Variants in PREX1 observed in about 807,000 individuals in gnomAD.
The protein encoded by PREX1 is phosphatidylinositol 3,4,5-trisphosphate-dependent Rac exchanger 1 protein.
A neutral mutation model predicts 198.3 loss-of-function variants in PREX1; 41 were observed. The ratio of observed to expected loss-of-function variants is 0.21; its 90% confidence interval spans 0.16 to 0.27. The LOEUF is 0.27. Among genes scored for constraint, PREX1 ranks in the 10% least tolerant of loss-of-function variants. The pLI is 1.00. For missense variants in PREX1, 1,620 were observed against 2,200.7 expected (o/e 0.74, Z 5.28); for synonymous variants, 843 against 887.2 (o/e 0.95, Z 0.89).
chr20:48,874,988 G>C, the PREX1 span, among the ~76,000 whole-genome samples: 1 of 152,200 alleles, frequency 6.6e-6, no homozygotes, highest in African/African-American at 2.4e-5. Flanking sequence ...CCTTGACAGA[G>C]AGCTCAGCCA....
chr20:48,782,205 G>T (rs942032780), intron 1 of PREX1, among the ~76,000 whole-genome samples: 1 of 152,182 alleles, frequency 6.6e-6, no homozygotes, highest in Non-Finnish European at 1.5e-5. Flanking sequence ...ATCTCATCTC[G>T]AATTGTAGCT....
At chr20:48,671,360 TAAG>T (rs1422290579) in intron 14 of PREX1, among the ~76,000 whole-genome samples, 1 of 152,168 alleles carries the variant, frequency 6.6e-6, no homozygotes. Flanking sequence ...AGGCAACTCA[TAAG>T]AAGATACCAG....
intron 1 of PREX1, among the ~76,000 whole-genome samples, chr20:48,768,083 AT>A (rs926684435): frequency 1.3e-5 from 2 of 152,202 alleles, no homozygotes; most frequent in African/African-American, 4.8e-5. Flanking sequence ...TGCTGAATAA[AT>A]ACTGGTTAAG....
chr20:48,799,736 C>T (rs1224608994), intron 1 of PREX1, among the ~76,000 whole-genome samples: 2 of 152,140 alleles, frequency 1.3e-5, no homozygotes, highest in African/African-American at 2.4e-5. Context: ...CCTCTGTCCC[C>T]CCACAACAGG....
chr20:48,670,413 C>T (rs2089667840), intron 14 of PREX1, among the ~76,000 whole-genome samples: 1 of 152,204 alleles, frequency 6.6e-6, no homozygotes, highest in African/African-American at 2.4e-5. Context: ...AGCATGGGAG[C>T]ATGCAGATCT....
At position 48,747,843 on chromosome 20, in the gene PREX1, G is replaced by A. The variant is rs761709837; in HGVS notation, c.257C>T (p.Ser86Leu). 6.8e-6 allele frequency: 11 copies of A among 1,613,678 alleles called. No homozygotes were observed. The South Asian group carries it at 9.9e-5, about 15-fold the overall frequency. The change falls in exon 2 of 40, where the codon TCA becomes TTA. Residue 86 changes from serine (S) to leucine (L), a missense_variant. Around this residue, in one of 7 missense-constraint regions of PREX1, gnomAD observed 488 missense variants for 802.5 expected, o/e 0.61. Transcript: ENST00000371941. ...LHRIRQNVAD[S>L]VEKGLTEENV... ...CTCCTCCGTGAGGCCCTTCTCCACT[G>A]AGTCGGCCACGTTCTGCCGGATGCG...
chr20:48,744,191 C>A (rs566679899), intron 3 of PREX1, among the ~76,000 whole-genome samples: 71 of 152,276 alleles, frequency 4.7e-4, no homozygotes, highest in African/African-American at 1.6e-3. Context: ...CAGTAGCACT[C>A]TAGAGCTAGG....
At chr20:48,862,807 A>ATATATATATATATATATATATATG in the PREX1 span, among the ~76,000 whole-genome samples, 3 of 126,686 alleles carry the variant, frequency 2.4e-5, no homozygotes, top group African/African-American at 9.6e-5. Flanking sequence ...ATATATATAT[A>ATATATATATATATATATATATATG]TATATACTAA....
chr20:48,754,935 G>T (rs2090150500), intron 1 of PREX1, among the ~76,000 whole-genome samples: 1 of 152,128 alleles, frequency 6.6e-6, no homozygotes, highest in African/African-American at 2.4e-5. Context: ...CTCCCCAATT[G>T]CCCAATGACC....
chr20:48,754,978 T>A (rs750438389), intron 1 of PREX1, among the ~76,000 whole-genome samples: 4 of 152,124 alleles, frequency 2.6e-5, no homozygotes, highest in Non-Finnish European at 4.4e-5. Context: ...GCTCCATCCA[T>A]CCAAGTTCTG....
At chr20:48,671,810 C>A (rs1401615889) in intron 14 of PREX1, among the ~76,000 whole-genome samples, 1 of 152,224 alleles carries the variant, frequency 6.6e-6, no homozygotes, top group Non-Finnish European at 1.5e-5. Context: ...GCCTTTCCAA[C>A]CATCTCCTGG....
chr20:48,642,080 G>A, intron 29 of PREX1, 88 bp downstream of exon 29: 1 of 1,358,056 alleles, frequency 7.4e-7, no homozygotes, highest in Admixed American at 1.8e-5. Flanking sequence ...CAGTAGGAGG[G>A]CAGAGCTGAG....
the PREX1 span, among the ~76,000 whole-genome samples, chr20:48,862,805 A>G: frequency 1.2e-4 from 15 of 120,802 alleles, no homozygotes; most frequent in African/African-American, 3.9e-4. Flanking sequence ...ATATATATAT[A>G]TATATATACT....
In PREX1 at chr20:48,624,288, A is replaced by C. The variant is rs539615320; in HGVS notation, c.*1597T>G. On this transcript the variant is annotated 3_prime_UTR_variant, in exon 40 of 40. Coordinates refer to ENST00000371941, the MANE Select transcript of PREX1 (RefSeq NM_020820.4). ...AACTGACTTTTAATAATAATAAAAA[A>C]TCTATCAAGAATTTAACGAGAAGAA... The C allele has an allele frequency of 6.5e-6, 1 of 152,760 alleles. No homozygotes were observed. Among genetic ancestry groups the C allele is most frequent in the South Asian group, 2.1e-4 (1 of 4,828 alleles). The allele number at this position is 152,760 out of a possible 1,614,324, so 9.5% of individuals were successfully genotyped here. A position where few individuals can be genotyped will look rare whatever the true frequency, so the allele number is the denominator to read the frequency against.
intron 3 of PREX1, among the ~76,000 whole-genome samples, chr20:48,742,007 G>C (rs1403379178): frequency 1.3e-5 from 2 of 152,190 alleles, no homozygotes; most frequent in Admixed American, 6.5e-5. Context: ...GGGTTGAAGA[G>C]ATCTGATTGA....
chr20:48,683,914 A>AGAGGT (rs1462761066), intron 10 of PREX1, among the ~76,000 whole-genome samples: 2 of 152,096 alleles, frequency 1.3e-5, no homozygotes, highest in African/African-American at 4.8e-5. Flanking sequence ...AGAAGCCCTG[A>AGAGGT]GAGGTAAGGT....
At chr20:48,787,915 T>C (rs2090320653) in intron 1 of PREX1, among the ~76,000 whole-genome samples, 2 of 152,154 alleles carry the variant, frequency 1.3e-5, no homozygotes, top group South Asian at 4.1e-4. Context: ...TTCTCTGTTT[T>C]TAAGAAACCT....
chr20:48,662,135 T>C (rs1334754524), intron 15 of PREX1, among the ~76,000 whole-genome samples: 1 of 152,148 alleles, frequency 6.6e-6, no homozygotes, highest in African/African-American at 2.4e-5. Flanking sequence ...GTGAGCCCCT[T>C]TCTCAGGCCA....
chr20:48,653,259 C>T (rs1449014942), intron 20 of PREX1, 102 bp downstream of exon 20: 34 of 1,509,288 alleles, frequency 2.3e-5, no homozygotes, highest in Non-Finnish European at 3.0e-5. Flanking sequence ...TACTCACAAC[C>T]AGTGGTACAT....
Sources: allele counts gnomAD v4.1 joint callset (sites outside exome capture counted in the v4.1 genomes callset), GRCh38; gene constraint gnomAD v4.1.1; regional missense constraint gnomAD v4.1.1; transcripts MANE v1.5; gene names NCBI Gene and HGNC (gene_info 2026-07-23, HGNC 2026-07-21).